FAM110B: variants seen among roughly 807,000 people sequenced by gnomAD.
FAM110B encodes the protein protein FAM110B.
Under a neutral mutation model 20.4 loss-of-function variants are expected in FAM110B, and 6 were observed. That is an observed-to-expected ratio of 0.29 (90% CI 0.16 to 0.58). The LOEUF (loss-of-function observed/expected upper bound fraction) is 0.58, where lower values mean the gene tolerates loss of function less well. Ranked by LOEUF, FAM110B falls within the 20% of genes least tolerant of loss-of-function variation. FAM110B has a pLI of 0.90. For missense variants in FAM110B, 434 were observed against 498.2 expected (o/e 0.87, Z 1.23); for synonymous variants, 226 against 214.1 (o/e 1.06, Z -0.49).
intron 2 of FAM110B, among the ~76,000 whole-genome samples, chr8:58,056,486 T>C (rs1179074674): frequency 6.6e-6 from 1 of 152,218 alleles, no homozygotes; most frequent in Non-Finnish European, 1.5e-5. Flanking sequence ...AACTAAGTAT[T>C]AGGTTGCATT....
At chr8:58,040,613 G>A (rs1805194197) in intron 2 of FAM110B, among the ~76,000 whole-genome samples, 1 of 152,126 alleles carries the variant, frequency 6.6e-6, no homozygotes, top group Admixed American at 6.5e-5. Flanking sequence ...TTAGGAAATA[G>A]TGCCTGTTTC....
chr8:57,997,263 T>C (rs1176161782), intron 1 of FAM110B, among the ~76,000 whole-genome samples: 1 of 152,196 alleles, frequency 6.6e-6, no homozygotes, highest in African/African-American at 2.4e-5. Context: ...AACATACTCT[T>C]ACCAACCAGA....
chr8:58,125,336 A>G (rs1237436187), intron 3 of FAM110B, among the ~76,000 whole-genome samples: 2 of 152,206 alleles, frequency 1.3e-5, no homozygotes, highest in African/African-American at 4.8e-5. Context: ...TGACAGAGAA[A>G]GAAAAAAAAA....
At chr8:58,074,329 G>A (rs1022511453) in intron 2 of FAM110B, among the ~76,000 whole-genome samples, 1 of 151,806 alleles carries the variant, frequency 6.6e-6, no homozygotes, top group Non-Finnish European at 1.5e-5. Context: ...CGGTGGGCCC[G>A]TCCATTGCCA....
chr8:58,038,585 C>G (rs567014862), intron 2 of FAM110B, among the ~76,000 whole-genome samples: 1 of 152,264 alleles, frequency 6.6e-6, no homozygotes, highest in Non-Finnish European at 1.5e-5. Flanking sequence ...AACCCCATCT[C>G]TACTAAAAAC....
chr8:58,102,214 C>CTT (rs1806795345), intron 3 of FAM110B, among the ~76,000 whole-genome samples: 1 of 152,214 alleles, frequency 6.6e-6, no homozygotes, highest in Non-Finnish European at 1.5e-5. Context: ...GTGAGTCATC[C>CTT]TGCCTCAGTT....
intron 1 of FAM110B, among the ~76,000 whole-genome samples, chr8:58,029,154 C>A (rs907756089): frequency 5.3e-5 from 8 of 152,188 alleles, no homozygotes; most frequent in African/African-American, 1.9e-4. Context: ...CGAATTCAGT[C>A]TGAACTGATA....
intron 3 of FAM110B, among the ~76,000 whole-genome samples, chr8:58,139,873 T>C: frequency 6.6e-6 from 1 of 152,100 alleles, no homozygotes; most frequent in Middle Eastern, 3.2e-3. Context: ...GAGCTTGCAA[T>C]GAACCAGGAT....
At chr8:58,137,520 A>G (rs569921907) in intron 3 of FAM110B, among the ~76,000 whole-genome samples, 1 of 152,188 alleles carries the variant, frequency 6.6e-6, no homozygotes, top group Non-Finnish European at 1.5e-5. Flanking sequence ...AGATTGCGCC[A>G]TTGCACTCCA....
rs1209782860 is a variant in FAM110B at position 58,040,986 on chromosome 8, GTCTGGAGTGCAGTGGCGCGA to G, written c.-414+9287_-414+9306del. Reference sequence around the variant, plus strand: ...GACAGAGTTTCACTCTTGTTGCCCAGTCTGGAGTGCAGTGGCGCGATCTTGGCTCATTGCAACCTCCGCCT... The same window carrying G: ...GACAGAGTTTCACTCTTGTTGCCCAGTCTTGGCTCATTGCAACCTCCGCCT... On this transcript the variant is annotated intron_variant, in intron 2 of 3. Coordinates refer to ENST00000519262, the MANE Select transcript of FAM110B (RefSeq NM_001377989.1). Among the ~76,000 whole-genome samples, 3 of 128,626 alleles carry G rather than the reference GTCTGGAGTGCAGTGGCGCGA, an allele frequency of 2.3e-5. No homozygotes were observed. In the East Asian group the frequency reaches 6.8e-4, roughly 29 times the overall value. The allele number at this position is 128,626 out of a possible 152,430, so 84.4% of individuals were successfully genotyped here. A position where few individuals can be genotyped will look rare whatever the true frequency, so the allele number is the denominator to read the frequency against.
intron 3 of FAM110B, among the ~76,000 whole-genome samples, chr8:58,103,219 T>C (rs1019440322): frequency 6.6e-6 from 1 of 151,986 alleles, no homozygotes; most frequent in African/African-American, 2.4e-5. Context: ...ATGTGCACAG[T>C]GTGCAGGTTA....
At chr8:58,042,749 C>G (rs1343081092) in intron 2 of FAM110B, among the ~76,000 whole-genome samples, 1 of 152,218 alleles carries the variant, frequency 6.6e-6, no homozygotes, top group East Asian at 1.9e-4. Context: ...TTTCTACTAT[C>G]TAAAACTGTA....
At position 58,029,518 on chromosome 8, in the gene FAM110B, A is replaced by G. The variant is rs139895524; in HGVS notation, c.-511-2088A>G. ...AAGTTGAGTTGACTCGTGATGTTGT[A>G]ATCATGCTGATTAGAAATGATTTTT... On this transcript the variant is annotated intron_variant, in intron 1 of 3. Transcript: ENST00000519262. 3.7e-3 allele frequency among the ~76,000 whole-genome samples: 569 copies of G among 152,118 alleles called. 4 individuals are homozygous for G. The highest frequency in any genetic ancestry group is 6.0e-3 in the Non-Finnish European group (409 of 67,996).
intron 3 of FAM110B, among the ~76,000 whole-genome samples, chr8:58,114,865 G>T (rs1807159033): frequency 6.6e-6 from 1 of 152,178 alleles, no homozygotes; most frequent in Non-Finnish European, 1.5e-5. Flanking sequence ...GTTACATACA[G>T]TATTTAAACC....
intron 2 of FAM110B, among the ~76,000 whole-genome samples, chr8:58,051,909 G>A (rs1253597569): frequency 2.0e-5 from 3 of 152,274 alleles, no homozygotes; most frequent in South Asian, 2.1e-4. Context: ...ATTTAAATGA[G>A]GTGGATAATG....
At chr8:58,048,566 T>C (rs1805376116) in intron 2 of FAM110B, among the ~76,000 whole-genome samples, 2 of 152,360 alleles carry the variant, frequency 1.3e-5, no homozygotes, top group East Asian at 3.9e-4. Context: ...ATCTTAATCA[T>C]TTCTAAGTAG....
intron 1 of FAM110B, among the ~76,000 whole-genome samples, chr8:58,007,369 C>T (rs867077534): frequency 4.6e-5 from 7 of 152,256 alleles, no homozygotes; most frequent in Middle Eastern, 3.4e-3. Flanking sequence ...TGTTTCCTAC[C>T]AGACGCGGGT....
chr8:58,088,317 G>C (rs1265206002), intron 3 of FAM110B, among the ~76,000 whole-genome samples: 2 of 152,018 alleles, frequency 1.3e-5, no homozygotes, highest in African/African-American at 2.4e-5. Context: ...CTCCATAAAT[G>C]TCTTCATTAT....
intron 1 of FAM110B, among the ~76,000 whole-genome samples, chr8:57,995,389 C>T (rs567184126): frequency 6.6e-6 from 1 of 152,218 alleles, no homozygotes; most frequent in East Asian, 1.9e-4. Context: ...TTTTGGTTAC[C>T]CCCTCCAGCT....
Sources: allele counts gnomAD v4.1 joint callset (sites outside exome capture counted in the v4.1 genomes callset), GRCh38; gene constraint gnomAD v4.1.1; transcripts MANE v1.5; gene names NCBI Gene and HGNC (gene_info 2026-07-23, HGNC 2026-07-21).